Variants in HDAC4 observed in about 807,000 individuals in gnomAD.
HDAC4 encodes the protein histone deacetylase A.
In HDAC4, 16 loss-of-function variants were observed where a neutral mutation model predicts 135.1. That is an observed-to-expected ratio of 0.12 (90% CI 0.08 to 0.18). The LOEUF is 0.18. HDAC4 is among the 10% of genes least tolerant of loss of function. The pLI, the probability that HDAC4 is intolerant of heterozygous loss-of-function variation, is 1.00. For missense variants in HDAC4, 1,143 were observed against 1,511.8 expected (o/e 0.76, Z 4.05); for synonymous variants, 685 against 653.4 (o/e 1.05, Z -0.74).
rs936775532 is a variant in HDAC4, at chr2:239,245,345, G to A, written c.23-8681C>T. Among the ~76,000 whole-genome samples the A allele has an allele frequency of 6.6e-5, 10 of 152,228 alleles. No homozygotes were observed. The highest frequency in any genetic ancestry group is 5.9e-5 in the Non-Finnish European group (4 of 68,048). On this transcript the variant is annotated intron_variant, in intron 2 of 26. Coordinates refer to ENST00000543185, the MANE Select transcript of HDAC4 (RefSeq NM_001378414.1). The surrounding 1 kb of genome is among the most constrained non-coding windows in gnomAD (Gnocchi z 4.4). The stretch of plus-strand genomic sequence containing the variant: ...CCCAGGACAAAGGACTCAGTGAGGC[G>A]GAGAGTGGGCAGGGGAAATTTCAGA...
chr2:239,352,045 C>G lies in HDAC4; in HGVS notation c.22+633G>C, dbSNP rs1302064067. Among the ~76,000 whole-genome samples the G allele has an allele frequency of 6.6e-6, 1 of 152,168 alleles. No individual in the cohort carries two copies. The highest frequency in any genetic ancestry group is 1.5e-5 in the Non-Finnish European group (1 of 68,028). On this transcript the variant is annotated intron_variant, in intron 2 of 26. Coordinates refer to ENST00000543185, the MANE Select transcript of HDAC4 (RefSeq NM_001378414.1). This position sits in a 1 kb window ranked among gnomAD's most constrained non-coding sequence, Gnocchi z 4.4. ...GTGTGAAGTCGTAAATGGATGGGCC[C>G]ATGACATGCTTCTGAAGCTCAGAGC...
At chr2:239,175,634 C>T (rs7567577) in intron 5 of HDAC4, among the ~76,000 whole-genome samples, 1,946 of 152,298 alleles carry the variant, frequency 0.013, 32 homozygotes, top group African/African-American at 0.045. Flanking sequence ...AGCAAGAGCA[C>T]GCTGCTGGCC....
intron 1 of HDAC4, among the ~76,000 whole-genome samples, chr2:239,378,894 C>T (rs374119446): frequency 1.3e-5 from 2 of 152,302 alleles, no homozygotes; most frequent in East Asian, 1.9e-4. Context: ...CAGGCCTCCT[C>T]GAAGACTGCC....
chr2:239,292,126 G>A (rs1368489727), intron 2 of HDAC4, among the ~76,000 whole-genome samples: 1 of 152,232 alleles, frequency 6.6e-6, no homozygotes, highest in Non-Finnish European at 1.5e-5. Flanking sequence ...CTTGCCCATC[G>A]TGGCAAGGCA....
chr2:239,078,836 C>T (rs944199104), intron 22 of HDAC4, among the ~76,000 whole-genome samples: 1 of 152,232 alleles, frequency 6.6e-6, no homozygotes, highest in Non-Finnish European at 1.5e-5. Context: ...TGAGAAACGC[C>T]TATGGGGTGA....
At chr2:239,204,678 T>C (rs953038198) in intron 3 of HDAC4, among the ~76,000 whole-genome samples, 3 of 152,178 alleles carry the variant, frequency 2.0e-5, no homozygotes, top group South Asian at 2.1e-4. Flanking sequence ...GTCCCGGGCC[T>C]GGCACAGAGA....
intron 1 of HDAC4, among the ~76,000 whole-genome samples, chr2:239,365,209 GT>G (rs1474189375): frequency 6.6e-6 from 1 of 152,172 alleles, no homozygotes. Flanking sequence ...TGGCTATTGT[GT>G]TTTATAAGAG....
chr2:239,397,956 TCC>T (rs1696675428), intron 1 of HDAC4, among the ~76,000 whole-genome samples: 1 of 152,130 alleles, frequency 6.6e-6, no homozygotes, highest in Non-Finnish European at 1.5e-5. Context: ...ATCCATCCTT[TCC>T]GACTCCTTAC....
intron 1 of HDAC4, among the ~76,000 whole-genome samples, chr2:239,391,496 C>A (rs563465011): frequency 6.6e-6 from 1 of 152,298 alleles, no homozygotes; most frequent in East Asian, 1.9e-4. Flanking sequence ...CCTCCCAAGA[C>A]CTGCCAGCAG....
chr2:239,118,077 C>T (rs2039304832), intron 12 of HDAC4, among the ~76,000 whole-genome samples: 1 of 152,162 alleles, frequency 6.6e-6, no homozygotes, highest in African/African-American at 2.4e-5. Flanking sequence ...CACCGGTCCC[C>T]ACGCAGCAGG....
chr2:239,188,621 C>T (rs13420585), intron 4 of HDAC4, among the ~76,000 whole-genome samples: 5,424 of 152,344 alleles, frequency 0.036, 197 homozygotes, highest in African/African-American at 0.093. Flanking sequence ...ACGTGTGGCT[C>T]GAAATGCGGC....
chr2:239,107,010 G>A (rs957783869), intron 15 of HDAC4, among the ~76,000 whole-genome samples: 9 of 149,878 alleles, frequency 6.0e-5, no homozygotes, highest in East Asian at 3.9e-4. Context: ...GGCCTTGTGC[G>A]ACCCTGCACA....
At chr2:239,121,834 C>A (rs1489245621) in intron 12 of HDAC4, among the ~76,000 whole-genome samples, 1 of 152,154 alleles carries the variant, frequency 6.6e-6, no homozygotes, top group Non-Finnish European at 1.5e-5. Flanking sequence ...GCAAACAAAG[C>A]CTGCTTCTCT....
chr2:239,087,643 G>C, intron 18 of HDAC4, 29 bp from the exon 19 acceptor site: 1 of 1,610,586 alleles, frequency 6.2e-7, no homozygotes, highest in Admixed American at 1.7e-5. Context: ...AGCCAGGAGA[G>C]AGCAACAAAA....
At chr2:239,381,037 C>T (rs1695383500) in intron 1 of HDAC4, among the ~76,000 whole-genome samples, 1 of 152,170 alleles carries the variant, frequency 6.6e-6, no homozygotes, top group African/African-American at 2.4e-5. Flanking sequence ...ACACACAACA[C>T]ACACATCAGG....
chr2:239,162,246 C>T (rs772115138), intron 6 of HDAC4: 9 of 456,388 alleles, frequency 2.0e-5, no homozygotes, highest in South Asian at 1.2e-4. Context: ...CTCGCTTGCT[C>T]GGCTGCCTCA....
At chr2:239,355,478 T>G (rs944138348) in intron 1 of HDAC4, among the ~76,000 whole-genome samples, 4 of 152,196 alleles carry the variant, frequency 2.6e-5, no homozygotes, top group African/African-American at 9.7e-5. Flanking sequence ...CTCAACCACT[T>G]CCCTTTAAAC....
chr2:239,110,765 T>G (rs1213612751), intron 14 of HDAC4, among the ~76,000 whole-genome samples: 1 of 152,264 alleles, frequency 6.6e-6, no homozygotes, highest in African/African-American at 2.4e-5. Flanking sequence ...GCCTCTGTGC[T>G]TGTCTCAGAG....
At chr2:239,358,409 GTTTGTT>G (rs1465067397) in intron 1 of HDAC4, among the ~76,000 whole-genome samples, 4 of 152,200 alleles carry the variant, frequency 2.6e-5, no homozygotes, top group Admixed American at 2.0e-4. Context: ...TCTTTTGTTT[GTTTGTT>G]TTTGAGCATT....
Sources: allele counts gnomAD v4.1 joint callset (sites outside exome capture counted in the v4.1 genomes callset), GRCh38; gene constraint gnomAD v4.1.1; non-coding constraint Gnocchi (gnomAD v3.1); transcripts MANE v1.5; gene names NCBI Gene and HGNC (gene_info 2026-07-23, HGNC 2026-07-21).